TBC1D19: variants seen among roughly 807,000 people sequenced by gnomAD.
The protein encoded by TBC1D19 is TBC1 domain family, member 19.
Under a neutral mutation model 89.0 loss-of-function variants are expected in TBC1D19, and 60 were observed. The observed-to-expected ratio is 0.67, with a 90% CI of 0.55 to 0.84. TBC1D19 has a LOEUF of 0.84. Among genes scored for constraint, TBC1D19 ranks in the 40% least tolerant of loss-of-function variants. TBC1D19 has a pLI of 0.00. For synonymous variants in TBC1D19, 189 were observed against 199.7 expected (o/e 0.95, Z 0.45); for missense variants, 500 against 610.8 (o/e 0.82, Z 1.91).
At chr4:26,714,367 A>G (rs943765473) in intron 13 of TBC1D19, among the ~76,000 whole-genome samples, 3 of 152,092 alleles carry the variant, frequency 2.0e-5, no homozygotes, top group African/African-American at 7.2e-5. Context: ...CAGGTACCAA[A>G]CATTGTGTAT....
At chr4:26,607,865 A>C (rs1230817539) in intron 1 of TBC1D19, among the ~76,000 whole-genome samples, 13 of 152,166 alleles carry the variant, frequency 8.5e-5, no homozygotes, top group Non-Finnish European at 1.5e-5. Context: ...GGTCCTTTAA[A>C]ATATCTGGGC....
At chr4:26,638,931 A>T in intron 6 of TBC1D19, 97 bp downstream of exon 6, 1 of 1,020,732 alleles carries the variant, frequency 9.8e-7, no homozygotes, top group Non-Finnish European at 1.4e-6. Flanking sequence ...TTTTGGGAAG[A>T]TTGCAATTTT....
At chr4:26,640,544 T>C (rs908237342) in intron 7 of TBC1D19, among the ~76,000 whole-genome samples, 61 of 152,216 alleles carry the variant, frequency 4.0e-4, no homozygotes, top group African/African-American at 1.3e-3. Context: ...GTTCACCTCA[T>C]TGGGACAGGT....
intron 1 of TBC1D19, among the ~76,000 whole-genome samples, chr4:26,607,035 A>G (rs1040557235): frequency 2.0e-5 from 3 of 152,116 alleles, no homozygotes; most frequent in African/African-American, 7.2e-5. Flanking sequence ...AAGAAACTGG[A>G]TTTGTGTATG....
chr4:26,620,519 C>T (rs1435815825), intron 3 of TBC1D19, 94 bp from the exon 4 acceptor site: 12 of 999,920 alleles, frequency 1.2e-5, no homozygotes, highest in Non-Finnish European at 1.5e-5. Flanking sequence ...TGAAATGTTA[C>T]TGGGAAAACA....
chr4:26,594,039 A>C (rs1190114569), intron 1 of TBC1D19, among the ~76,000 whole-genome samples: 1 of 152,196 alleles, frequency 6.6e-6, no homozygotes, highest in East Asian at 1.9e-4. Context: ...ACACATGCAC[A>C]CGTATGTTTA....
the TBC1D19 span, among the ~76,000 whole-genome samples, chr4:26,847,707 A>C: frequency 6.6e-6 from 1 of 152,218 alleles, no homozygotes; most frequent in African/African-American, 2.4e-5. Context: ...TAGACACTGG[A>C]GGGCACAGGC....
intron 1 of TBC1D19, among the ~76,000 whole-genome samples, chr4:26,590,809 T>G (rs4419465): frequency 0.057 from 2,926 of 51,148 alleles, 29 homozygotes; most frequent in South Asian, 0.093. Context: ...TTTTTTTTTT[T>G]TTTTTTTTTT....
intron 1 of TBC1D19, among the ~76,000 whole-genome samples, chr4:26,607,580 G>A (rs1361779380): frequency 1.3e-5 from 2 of 152,120 alleles, no homozygotes; most frequent in Admixed American, 6.6e-5. Flanking sequence ...CTCTCATTTA[G>A]TCCCAAGTGG....
chr4:26,592,423 T>C (rs1055494729), intron 1 of TBC1D19, among the ~76,000 whole-genome samples: 13 of 152,156 alleles, frequency 8.5e-5, no homozygotes, highest in African/African-American at 3.1e-4. Flanking sequence ...CTTTGAAAAC[T>C]GGCACAAGAC....
chr4:26,817,981 A>ATATATATATATAGATATAT, the TBC1D19 span, among the ~76,000 whole-genome samples: 1 of 126,080 alleles, frequency 7.9e-6, no homozygotes, highest in African/African-American at 3.7e-5. Flanking sequence ...AAAAAAAAAA[A>ATATATATATATAGATATAT]ATATATATAT....
intron 4 of TBC1D19, among the ~76,000 whole-genome samples, chr4:26,626,308 A>C (rs1742393874): frequency 6.6e-6 from 1 of 152,150 alleles, no homozygotes; most frequent in African/African-American, 2.4e-5. Flanking sequence ...TACCTTGGGA[A>C]ATACTTTGCT....
the TBC1D19 span, among the ~76,000 whole-genome samples, chr4:26,854,726 CTTTTTTTT>C: frequency 7.9e-6 from 1 of 126,110 alleles, no homozygotes; most frequent in South Asian, 2.6e-4. Flanking sequence ...AATCTCCAGC[CTTTTTTTT>C]TTTTTTTTTT....
the TBC1D19 span, among the ~76,000 whole-genome samples, chr4:26,803,260 C>T: frequency 6.6e-6 from 1 of 152,114 alleles, no homozygotes; most frequent in Non-Finnish European, 1.5e-5. Flanking sequence ...TTTCAGTGCA[C>T]CTGACAAATA....
chr4:26,649,782 T>A (rs1171183819), intron 7 of TBC1D19, among the ~76,000 whole-genome samples: 1 of 152,140 alleles, frequency 6.6e-6, no homozygotes, highest in Non-Finnish European at 1.5e-5. Flanking sequence ...TACATATGTA[T>A]ACATGTGCCA....
intron 1 of TBC1D19, among the ~76,000 whole-genome samples, chr4:26,609,389 T>C (rs1046634645): frequency 1.3e-5 from 2 of 152,142 alleles, no homozygotes; most frequent in Non-Finnish European, 2.9e-5. Flanking sequence ...TGATAATTGC[T>C]GAAACAGAGG....
chr4:26,598,618 C>T (rs915165184), intron 1 of TBC1D19, among the ~76,000 whole-genome samples: 93 of 152,208 alleles, frequency 6.1e-4, no homozygotes, highest in African/African-American at 2.1e-3. Flanking sequence ...ATGGTCTCTA[C>T]CTCCTTACCT....
intron 1 of TBC1D19, among the ~76,000 whole-genome samples, chr4:26,590,766 A>G (rs1216697350): frequency 8.5e-6 from 1 of 117,216 alleles, no homozygotes; most frequent in East Asian, 2.6e-4. Flanking sequence ...CATGGTTTAC[A>G]TTAAGGTTCA....
chr4:26,654,330 G>A (rs1396146973), intron 7 of TBC1D19, among the ~76,000 whole-genome samples: 1 of 152,072 alleles, frequency 6.6e-6, no homozygotes, highest in East Asian at 1.9e-4. Context: ...TTCAACTTTG[G>A]TGAATCTGAC....
Sources: gnomAD v4.1 joint callset for allele counts (sites outside exome capture counted in the v4.1 genomes callset) on GRCh38, gnomAD v4.1.1 for gene constraint, MANE v1.5 for transcripts, NCBI Gene and HGNC (gene_info 2026-07-23, HGNC 2026-07-21) for gene names.